Variants in MYLK observed in about 807,000 individuals in gnomAD.
MYLK encodes the protein myosin light chain kinase, smooth muscle.
A neutral mutation model predicts 203.4 loss-of-function variants in MYLK; 106 were observed. The ratio of observed to expected loss-of-function variants is 0.52; its 90% CI spans 0.45 to 0.61. MYLK has a LOEUF of 0.61. MYLK is among the 20% of genes least tolerant of loss of function. The pLI is 0.00. For missense variants in MYLK, 2,072 were observed against 2,442.3 expected, an observed-to-expected ratio of 0.85 and a Z score of 3.20; for synonymous variants, 867 against 959.5, an observed-to-expected ratio of 0.90 and a Z score of 1.78.
At chr3:123,671,427 G>A (rs139694600) in intron 20 of MYLK, among the ~76,000 whole-genome samples, 1 of 152,356 alleles carries the variant, frequency 6.6e-6, no homozygotes, top group African/African-American at 2.4e-5. Flanking sequence ...CAGTAAAGAA[G>A]CCGAGACACA....
intron 31 of MYLK, among the ~76,000 whole-genome samples, chr3:123,625,471 GAAA>G (rs35888792): frequency 7.3e-6 from 1 of 137,344 alleles, no homozygotes. Flanking sequence ...TTGTCTCGAG[GAAA>G]AAAAAAAAAA....
intron 33 of MYLK, 181 bp downstream of exon 33, chr3:123,618,458 T>G (rs1576309244): frequency 1.5e-6 from 1 of 687,506 alleles, no homozygotes; most frequent in East Asian, 2.8e-5. Flanking sequence ...CTTCAGGAGG[T>G]GGGAGTGCAG....
At chr3:123,777,173 T>C (rs1400135084) in intron 4 of MYLK, among the ~76,000 whole-genome samples, 1 of 152,238 alleles carries the variant, frequency 6.6e-6, no homozygotes, top group Admixed American at 6.5e-5. Context: ...ATGATGCCCA[T>C]TGTTTTATTA....
intron 20 of MYLK, among the ~76,000 whole-genome samples, chr3:123,672,280 G>A (rs1307181036): frequency 3.3e-5 from 5 of 151,852 alleles, no homozygotes; most frequent in African/African-American, 4.8e-5. Flanking sequence ...GGAGGAGAGC[G>A]AGAGAGACCA....
At chr3:123,866,763 T>TA (rs563813176) in intron 2 of MYLK, among the ~76,000 whole-genome samples, 52 of 152,110 alleles carry the variant, frequency 3.4e-4, no homozygotes, top group Non-Finnish European at 6.5e-4. Context: ...GGACAACCCT[T>TA]AGAGTCAAGG....
At chr3:123,618,872 C>T (rs963706797) in intron 32 of MYLK, 102 bp from the exon 33 acceptor site, 8 of 1,481,654 alleles carry the variant, frequency 5.4e-6, no homozygotes, top group Non-Finnish European at 7.5e-6. Context: ...TATGATTTAG[C>T]AAAGAAGGCA....
At chr3:123,625,968 T>C (rs2058128531) in intron 31 of MYLK, among the ~76,000 whole-genome samples, 1 of 152,220 alleles carries the variant, frequency 6.6e-6, no homozygotes, top group Admixed American at 6.5e-5. Context: ...CTATGTGTTT[T>C]GCAGTCAAGC....
chr3:123,698,309 AAG>A (rs1229747667), intron 18 of MYLK, among the ~76,000 whole-genome samples: 2 of 152,204 alleles, frequency 1.3e-5, no homozygotes, highest in Non-Finnish European at 2.9e-5. Context: ...TGCGAACTGC[AAG>A]AGAGGCCATG....
chr3:123,742,340 T>C (rs1411538524), intron 5 of MYLK, among the ~76,000 whole-genome samples: 5 of 152,188 alleles, frequency 3.3e-5, no homozygotes, highest in Admixed American at 3.3e-4. Context: ...CTATTTAATG[T>C]GATCATAATT....
intron 2 of MYLK, among the ~76,000 whole-genome samples, chr3:123,841,983 T>C (rs1040268978): frequency 2.0e-5 from 3 of 152,096 alleles, no homozygotes; most frequent in Admixed American, 6.6e-5. Flanking sequence ...AATTCATCCA[T>C]CCAGGTATAC....
intron 1 of MYLK, among the ~76,000 whole-genome samples, chr3:123,879,106 G>A (rs1560312579): frequency 6.6e-6 from 1 of 152,104 alleles, no homozygotes; most frequent in Non-Finnish European, 1.5e-5. Flanking sequence ...AATATATGAG[G>A]CATGAAAAGA....
At chr3:123,882,786 T>C (rs1010115994) in intron 1 of MYLK, among the ~76,000 whole-genome samples, 2 of 151,910 alleles carry the variant, frequency 1.3e-5, no homozygotes, top group African/African-American at 4.8e-5. Context: ...GAAAAAGGGG[T>C]AACCTCACTC....
At chr3:123,792,180 G>A (rs191390535) in intron 4 of MYLK, among the ~76,000 whole-genome samples, 111 of 152,290 alleles carry the variant, frequency 7.3e-4, no homozygotes, top group Non-Finnish European at 7.1e-4. Context: ...CATAGAGGCC[G>A]CCATCTCTTC....
In MYLK at chr3:123,640,189, T is replaced by TG; in HGVS notation, c.4837+97_4837+98insC. 1.7e-6 allele frequency: 2 copies of TG among 1,181,384 alleles called. No individual in the cohort carries two copies. Among genetic ancestry groups the TG allele is most frequent in the Admixed American group, 3.5e-5 (2 of 57,138 alleles). 73.2% of individuals were successfully genotyped at this position (1,181,384 alleles called of 1,614,324 possible). A position where few individuals can be genotyped will look rare whatever the true frequency, so the allele number is the denominator to read the frequency against. On this transcript the variant is annotated intron_variant, in intron 28 of 33. Coordinates refer to ENST00000360304, the MANE Select transcript of MYLK (RefSeq NM_053025.4). This position sits in a 1 kb window ranked among gnomAD's most constrained non-coding sequence, Gnocchi z 4.3. ...TGGGAAGTCTTCATGGTCTCGGATT[T>TG]AACCCCAATACTGTATGTTTCCTCT...
intron 3 of MYLK, among the ~76,000 whole-genome samples, chr3:123,819,547 A>G (rs2065852682): frequency 6.6e-6 from 1 of 152,180 alleles, no homozygotes; most frequent in Non-Finnish European, 1.5e-5. Context: ...AGTATATGAA[A>G]TCTAAGACCC....
intron 19 of MYLK, among the ~76,000 whole-genome samples, chr3:123,687,441 T>C (rs1460182604): frequency 6.6e-6 from 1 of 152,068 alleles, no homozygotes; most frequent in Non-Finnish European, 1.5e-5. Flanking sequence ...TCAGTCTCTG[T>C]TTGCCTGAGA....
intron 8 of MYLK, 184 bp from the exon 9 acceptor site, chr3:123,735,600 G>T: frequency 1.5e-6 from 1 of 656,142 alleles, no homozygotes; most frequent in Non-Finnish European, 2.8e-6. Context: ...AAAGCTTCAG[G>T]TTCTGTCCTT....
rs545193229 is a variant in MYLK, at chr3:123,750,311, G to C, written c.373+2020C>G. On this transcript the variant is annotated intron_variant, in intron 5 of 33. Coordinates refer to ENST00000360304, the MANE Select transcript of MYLK (RefSeq NM_053025.4). ...AGTCTCCCCAAATGAAAACCAAAGG[G>C]GAGGGGTGGGGTTGAGAGCCTTAGC... Among the ~76,000 whole-genome samples, 10 of 152,142 alleles carry C rather than the reference G, an allele frequency of 6.6e-5. No homozygotes were observed. In the East Asian group the frequency reaches 1.9e-3, roughly 29 times the overall value.
intron 3 of MYLK, among the ~76,000 whole-genome samples, chr3:123,819,793 T>C (rs2065861938): frequency 6.8e-6 from 1 of 147,770 alleles, no homozygotes; most frequent in African/African-American, 2.5e-5. Context: ...CCTCCTTTTT[T>C]TTTTTTTTTT....
Sources: allele counts gnomAD v4.1 joint callset (sites outside exome capture counted in the v4.1 genomes callset), GRCh38; gene constraint gnomAD v4.1.1; non-coding constraint Gnocchi (gnomAD v3.1); transcripts MANE v1.5; gene names NCBI Gene and HGNC (gene_info 2026-07-23, HGNC 2026-07-21).